The following CNTN1 variants were observed in gnomAD, a reference collection of about 807,000 sequenced individuals.
The protein encoded by CNTN1 is contactin-1.
Under a neutral mutation model 126.4 loss-of-function variants are expected in CNTN1, and 38 were observed. The observed-to-expected ratio is 0.30, with a 90% confidence interval of 0.23 to 0.39. The LOEUF (loss-of-function observed/expected upper bound fraction) is 0.39. CNTN1 is among the 10% of genes least tolerant of loss of function. CNTN1 has a pLI of 1.00. For missense variants in CNTN1, 1,009 were observed against 1,248.4 expected (o/e 0.81, Z 2.89); for synonymous variants, 413 against 422.6 (o/e 0.98, Z 0.28).
intron 1 of CNTN1, among the ~76,000 whole-genome samples, chr12:40,744,339 G>A (rs1476502170): frequency 6.6e-6 from 1 of 151,734 alleles, no homozygotes; most frequent in Admixed American, 6.6e-5. Context: ...AAAACACGGA[G>A]ATGAATGCAT....
At chr12:41,014,807 T>C (rs1223570000) in intron 18 of CNTN1, among the ~76,000 whole-genome samples, 1 of 152,146 alleles carries the variant, frequency 6.6e-6, no homozygotes, top group Non-Finnish European at 1.5e-5. Context: ...GTTTCGTGAG[T>C]CAAAGAGTTC....
intron 1 of CNTN1, among the ~76,000 whole-genome samples, chr12:40,871,594 C>A: frequency 6.6e-6 from 1 of 151,986 alleles, no homozygotes; most frequent in South Asian, 2.1e-4. Context: ...ATCAACTGAG[C>A]GAATGTTAGT....
intron 1 of CNTN1, among the ~76,000 whole-genome samples, chr12:40,733,874 G>A (rs891201492): frequency 6.6e-6 from 1 of 151,954 alleles, no homozygotes; most frequent in Non-Finnish European, 1.5e-5. Context: ...AGTTAAAGGA[G>A]TGTTCATTTC....
intron 16 of CNTN1, among the ~76,000 whole-genome samples, chr12:40,983,933 T>C (rs1277269636): frequency 7.4e-6 from 1 of 134,586 alleles, no homozygotes; most frequent in Non-Finnish European, 1.6e-5. Context: ...TTTTATTATA[T>C]GCTATGTCAT....
chr12:40,763,203 G>A (rs1188209136), intron 1 of CNTN1: 1 of 152,220 alleles, frequency 6.6e-6, no homozygotes, highest in African/African-American at 2.4e-5. Flanking sequence ...AAAACTGTGA[G>A]CCAAATAAAC....
At chr12:41,000,493 C>A (rs561510805) in intron 17 of CNTN1, among the ~76,000 whole-genome samples, 2 of 152,188 alleles carry the variant, frequency 1.3e-5, no homozygotes, top group Non-Finnish European at 2.9e-5. Context: ...TAAAGTGCTA[C>A]AAATTATTTT....
At chr12:40,692,905 A>T (rs1461767610) in intron 1 of CNTN1, among the ~76,000 whole-genome samples, 1 of 151,484 alleles carries the variant, frequency 6.6e-6, no homozygotes, top group East Asian at 2.0e-4. Context: ...AGCGCCGGGA[A>T]CTCGCCCCAG....
chr12:40,888,007 A>T, intron 1 of CNTN1, among the ~76,000 whole-genome samples: 1 of 101,388 alleles, frequency 9.9e-6, no homozygotes, highest in Non-Finnish European at 1.8e-5. Context: ...CACTCTGGGG[A>T]CTGTTGTGGG....
At chr12:40,830,597 A>G (rs1357102145) in intron 1 of CNTN1, among the ~76,000 whole-genome samples, 1 of 150,978 alleles carries the variant, frequency 6.6e-6, no homozygotes, top group African/African-American at 2.4e-5. Flanking sequence ...AGGGTTTATA[A>G]TTTCTTTAAA....
chr12:40,770,161 T>G (rs917798562), intron 1 of CNTN1, among the ~76,000 whole-genome samples: 3 of 152,098 alleles, frequency 2.0e-5, no homozygotes, highest in Non-Finnish European at 4.4e-5. Flanking sequence ...GCAATCAACT[T>G]TTTTTAGCGC....
chr12:40,729,581 C>A, intron 1 of CNTN1: 1 of 230,714 alleles, frequency 4.3e-6, no homozygotes. Flanking sequence ...AAACATATTT[C>A]AGAAGCCTGC....
chr12:40,874,433 C>A (rs1592190295), intron 1 of CNTN1, among the ~76,000 whole-genome samples: 1 of 151,808 alleles, frequency 6.6e-6, no homozygotes, highest in African/African-American at 2.4e-5. Context: ...AGTATTTATC[C>A]TTCTTGTGCA....
At chr12:40,943,320 A>G (rs1040635080) in intron 12 of CNTN1, among the ~76,000 whole-genome samples, 59 of 152,060 alleles carry the variant, frequency 3.9e-4, no homozygotes, top group African/African-American at 5.3e-4. Context: ...TTTCAGGCCT[A>G]TGACTGATTT....
chr12:40,863,516 A>C (rs1341719304), intron 1 of CNTN1, among the ~76,000 whole-genome samples: 1 of 152,184 alleles, frequency 6.6e-6, no homozygotes, highest in African/African-American at 2.4e-5. Context: ...TATAGCAAAT[A>C]ACCTCTAAGG....
intron 19 of CNTN1, among the ~76,000 whole-genome samples, chr12:41,017,548 A>T (rs1948809306): frequency 6.6e-6 from 1 of 152,050 alleles, no homozygotes; most frequent in Admixed American, 6.5e-5. Flanking sequence ...TAATTATATG[A>T]AAAAGAGGTC....
At chr12:40,879,646 A>G (rs150015424) in intron 1 of CNTN1, among the ~76,000 whole-genome samples, 7 of 152,254 alleles carry the variant, frequency 4.6e-5, no homozygotes, top group African/African-American at 1.4e-4. Context: ...AAGGAGGGAG[A>G]TTACAGAAAC....
chr12:40,819,529 G>A (rs1941375787), intron 1 of CNTN1, among the ~76,000 whole-genome samples: 2 of 152,172 alleles, frequency 1.3e-5, no homozygotes, highest in Admixed American at 1.3e-4. Flanking sequence ...AGTCTTCCTG[G>A]CTCCAGCAAG....
At chr12:40,799,897 TGAGCTTAGG>T (rs143002054) in intron 1 of CNTN1, among the ~76,000 whole-genome samples, 4,889 of 152,150 alleles carry the variant, frequency 0.032, 112 homozygotes, top group Non-Finnish European at 0.046. Context: ...TGAGGTTTAA[TGAGCTTAGG>T]TAACTTGGCT....
At chr12:40,904,566 T>C (rs538607824) in intron 1 of CNTN1, among the ~76,000 whole-genome samples, 2 of 152,080 alleles carry the variant, frequency 1.3e-5, no homozygotes, top group South Asian at 4.2e-4. Flanking sequence ...GTAGCTGGGA[T>C]TACAGGTGCA....
Sources: gnomAD v4.1 joint callset for allele counts (sites outside exome capture counted in the v4.1 genomes callset) on GRCh38, gnomAD v4.1.1 for gene constraint, MANE v1.5 for transcripts, NCBI Gene and HGNC (gene_info 2026-07-23, HGNC 2026-07-21) for gene names.